Variants in CROCC observed in about 807,000 individuals in gnomAD.
CROCC encodes ciliary rootlet coiled-coil, rootletin.
A neutral mutation model predicts 245.2 loss-of-function variants in CROCC; 180 were observed. That is an observed-to-expected ratio of 0.73 (90% CI 0.65 to 0.83). The LOEUF (loss-of-function observed/expected upper bound fraction) is 0.83, where lower values mean the gene tolerates loss of function less well. Ranked by LOEUF, CROCC falls within the 40% of genes least tolerant of loss-of-function variation. The probability of loss-of-function intolerance (pLI) is 0.00; values close to 1 mark genes in which losing one functional copy is unlikely to be tolerated. For synonymous variants in CROCC, 1,205 were observed against 1,241.6 expected (o/e 0.97, Z 0.62); for missense variants, 2,688 against 2,779.4 (o/e 0.97, Z 0.74).
At chr1:16,917,098 A>C (rs1443746206), upstream of CROCC, among the ~76,000 whole-genome samples, 1 of 152,288 alleles carries the variant, frequency 6.6e-6, no homozygotes, top group African/African-American at 2.4e-5. Context: ...AGACTGGGTG[A>C]CAGAGCCAGA....
At chr1:16,938,562 G>A in intron 11 of CROCC, 79 bp downstream of exon 11, 1 of 1,319,468 alleles carries the variant, frequency 7.6e-7, no homozygotes, top group South Asian at 1.3e-5. Context: ...CGGTGACCTG[G>A]GACTGAACTG....
upstream of CROCC, among the ~76,000 whole-genome samples, chr1:16,919,637 C>G (rs1418399424): frequency 6.6e-6 from 1 of 152,294 alleles, no homozygotes; most frequent in African/African-American, 2.4e-5. Context: ...GGGCTTACAA[C>G]TCTAAGGGCA....
intron 8 of CROCC, among the ~76,000 whole-genome samples, chr1:16,935,188 C>T (rs1398344940): frequency 1.3e-5 from 2 of 152,290 alleles, no homozygotes; most frequent in Non-Finnish European, 2.9e-5. Flanking sequence ...GCATGAGCCA[C>T]CACGCCTGGC....
intron 27 of CROCC, among the ~76,000 whole-genome samples, chr1:16,962,947 C>T (rs539088516): frequency 7.9e-5 from 12 of 150,950 alleles, no homozygotes; most frequent in Non-Finnish European, 1.2e-4. Context: ...TCTGCGAGGC[C>T]GGAGCGGGTG....
chr1:16,958,075 G>T (rs775497247), intron 25 of CROCC, among the ~76,000 whole-genome samples: 3 of 152,196 alleles, frequency 2.0e-5, no homozygotes, highest in African/African-American at 7.2e-5. Flanking sequence ...GTGTGTGTGG[G>T]CTGTGTGACT....
At chr1:16,953,604 A>G in intron 21 of CROCC, 123 bp downstream of exon 21, 1 of 905,324 alleles carries the variant, frequency 1.1e-6, no homozygotes, top group East Asian at 2.7e-5. Flanking sequence ...TGGGGGCCTC[A>G]GTTTCCTTAC....
In CROCC at chr1:16,924,352, C is replaced by A. The variant is rs778354589; in HGVS notation, c.224C>A (p.Ser75Ter). The change falls in exon 3 of 37, where the codon TCG (serine) becomes TAG (stop). Residue 75 changes from serine to a stop codon, truncating the protein, a stop_gained. Transcript: ENST00000375541. LOFTEE classifies it high-confidence loss of function. ...CTGCTGCCGGCCACAGAGATGGCAT[C>A]GCTGCTGTCGCTGCAGGAGGAGAAC... ...PVLLPATEMASLLSLQEENQL... is the reference protein window; with the variant it reads ...PVLLPATEMA The A allele has an allele frequency of 6.2e-7, 1 of 1,612,928 alleles. No individual in the cohort carries two copies. Among genetic ancestry groups the A allele is most frequent in the Non-Finnish European group, 8.5e-7 (1 of 1,179,782 alleles).
intron 12 of CROCC, 94 bp from the exon 13 acceptor site, chr1:16,939,800 C>A: frequency 6.9e-7 from 1 of 1,449,192 alleles, no homozygotes; most frequent in Non-Finnish European, 9.6e-7. Context: ...CCCCGCCTAG[C>A]GTAGGCTAGT....
intron 8 of CROCC, among the ~76,000 whole-genome samples, chr1:16,935,217 ACCTT>A (rs1235498376): frequency 6.6e-6 from 1 of 152,106 alleles, no homozygotes; most frequent in African/African-American, 2.4e-5. Context: ...TTCTTAAGTG[ACCTT>A]CCAGGGTTAT....
chr1:16,954,704 G>C lies in CROCC; in HGVS notation c.3322-30G>C. Reference sequence around the variant, plus strand: ...AGCCCGGGGCTGGGGGACACAGCAGGACCAAGTCTGAGGAGCCCCTCTGTC... The same window carrying C: ...AGCCCGGGGCTGGGGGACACAGCAGCACCAAGTCTGAGGAGCCCCTCTGTC... On this transcript the variant is annotated intron_variant, in intron 22 of 36. Transcript: ENST00000375541. This position sits in a 1 kb window ranked among gnomAD's most constrained non-coding sequence, Gnocchi z 4.4. 6.5e-7 allele frequency: 1 copy of C among 1,530,646 alleles called. No homozygotes were observed. The highest frequency in any genetic ancestry group is 1.4e-5 in the African/African-American group (1 of 72,810). 94.8% of individuals were successfully genotyped at this position (1,530,646 alleles called of 1,614,324 possible).
At chr1:16,967,341 C>T (rs952908801) in intron 30 of CROCC, among the ~76,000 whole-genome samples, 1 of 152,196 alleles carries the variant, frequency 6.6e-6, no homozygotes, top group Non-Finnish European at 1.5e-5. Flanking sequence ...GCAGCCAAAG[C>T]TCCCCTCTGC....
Position 16,938,912 on chromosome 1 carries a change from G to A in CROCC, c.1378G>A (p.Val460Ile), listed in dbSNP as rs747019078. 15 of 1,603,488 alleles carry A rather than the reference G, an allele frequency of 9.4e-6. No homozygotes were observed. Among genetic ancestry groups the A allele is most frequent in the Non-Finnish European group, 1.1e-5 (13 of 1,177,084 alleles). ...QQTLRDLAQA[V>I]LSDSESGVQL... is the part of the protein sequence containing the mutation. ...TGCCTCCCTCCCCCACCCTCAGGCC[G>A]TCTTGTCAGACTCTGAGAGCGGCGT... The change falls in exon 12 of 37, where the codon GTC becomes ATC. Residue 460 changes from valine to isoleucine, a missense_variant. This residue lies in a region of CROCC where 972 missense variants were observed against 895.3 expected (regional missense o/e 1.09). Transcript: ENST00000375541.
intron 24 of CROCC, 98 bp downstream of exon 24, chr1:16,955,648 G>A (rs1399364535): frequency 3.6e-6 from 4 of 1,097,448 alleles, no homozygotes; most frequent in East Asian, 2.6e-5. Context: ...GCCCAGATAC[G>A]GATCCTCTGT....
Position 16,929,938 on chromosome 1 carries a change from G to T in CROCC, c.444G>T (p.Leu148=). 1 of 1,586,302 alleles carries T rather than the reference G, an allele frequency of 6.3e-7. No homozygotes were observed. Among genetic ancestry groups the T allele is most frequent in the East Asian group, 2.3e-5 (1 of 44,184 alleles). Residue 148 remains leucine (L), a synonymous_variant, in exon 4 of 37, where the codon CTG becomes CTT. Transcript: ENST00000375541. ...AGAGCGTGGAGTTGCGGAGGCAGCT[G>T]CAGGAGGAGCAGGCCTCCTACCGGC... The part of the protein sequence containing the change: ...VRQSVELRRQ[L]QEEQASYRRK...
chr1:16,914,405 C>T (rs2075282375), intron 1 of CROCC, among the ~76,000 whole-genome samples: 3 of 152,260 alleles, frequency 2.0e-5, no homozygotes, highest in Non-Finnish European at 4.4e-5. Context: ...CGCAGCCGTC[C>T]CTCCGCCGGC....
chr1:16,955,240 T>G (rs1440276157), intron 23 of CROCC, 72 bp from the exon 24 acceptor site: 2 of 1,464,098 alleles, frequency 1.4e-6, no homozygotes, highest in Non-Finnish European at 1.9e-6. Context: ...GGTCCAGGGA[T>G]CTGGGGTACA....
intron 23 of CROCC, 152 bp downstream of exon 23, chr1:16,955,029 A>G: frequency 5.5e-6 from 6 of 1,097,164 alleles, no homozygotes; most frequent in East Asian, 5.2e-5. Flanking sequence ...AGCAAGCACT[A>G]CGAAGCACCT....
Position 16,948,785 on chromosome 1 carries a change from T to C in CROCC, c.2709-14T>C. ...GGCTGAGTCCCAGGGCCTCAGGGAC[T>C]GTATGTGCTGCAGCTTGGAGAAGGA... On this transcript the variant is annotated splice_polypyrimidine_tract_variant and intron_variant, in intron 18 of 36. Transcript: ENST00000375541. 4 of 1,611,466 alleles carry C rather than the reference T, an allele frequency of 2.5e-6. No homozygotes were observed. Among genetic ancestry groups the C allele is most frequent in the African/African-American group, 1.3e-5 (1 of 75,010 alleles).
At position 16,936,876 on chromosome 1, in the gene CROCC, G is replaced by A; in HGVS notation, c.1193+3G>A. On this transcript the variant is annotated splice_donor_region_variant and intron_variant, in intron 9 of 36. Coordinates refer to ENST00000375541, the MANE Select transcript of CROCC (RefSeq NM_014675.5). ...GACAAGGCTGACCTCAGTGCCAGGT[G>A]GGTACCTGGTGGATGCCGCACGAGG... 6.2e-7 allele frequency: 1 copy of A among 1,606,984 alleles called. No individual in the cohort carries two copies. Among genetic ancestry groups the A allele is most frequent in the Non-Finnish European group, 8.5e-7 (1 of 1,175,806 alleles).
Sources: allele counts gnomAD v4.1 joint callset (sites outside exome capture counted in the v4.1 genomes callset), GRCh38; gene constraint gnomAD v4.1.1; regional missense constraint gnomAD v4.1.1; non-coding constraint Gnocchi (gnomAD v3.1); transcripts MANE v1.5; gene names NCBI Gene and HGNC (gene_info 2026-07-23, HGNC 2026-07-21).